The following ZNF407 variants were observed in gnomAD, a reference collection of about 807,000 sequenced individuals.
ZNF407 encodes zinc finger protein 407.
ZNF407 carries 17 observed loss-of-function variants against 131.2 expected under a neutral mutation model. The ratio of observed to expected loss-of-function variants is 0.13; its 90% CI spans 0.09 to 0.19. The LOEUF (loss-of-function observed/expected upper bound fraction) is 0.19. Ranked by LOEUF, ZNF407 falls within the 10% of genes least tolerant of loss-of-function variation. ZNF407 has a pLI of 1.00. For synonymous variants in ZNF407, 1,156 were observed against 1,062.0 expected (o/e 1.09, Z -1.72); for missense variants, 2,681 against 2,830.6 (o/e 0.95, Z 1.20).
At chr18:75,059,535 A>G (rs1412596776) in intron 8 of ZNF407, among the ~76,000 whole-genome samples, 1 of 152,236 alleles carries the variant, frequency 6.6e-6, no homozygotes, top group Non-Finnish European at 1.5e-5. Context: ...GAGAACGGAC[A>G]GAAACAAATC....
chr18:74,767,235 A>G lies in ZNF407; in HGVS notation c.4803-14193A>G, dbSNP rs2144989602. Reference sequence around the variant, plus strand: ...TCCTGACTTCGTTATTATTAAAAAGATTCCTGAGTCTTTCTTATTTTAATA... The same window carrying G: ...TCCTGACTTCGTTATTATTAAAAAGGTTCCTGAGTCTTTCTTATTTTAATA... On this transcript the variant is annotated intron_variant, in intron 3 of 8. Coordinates refer to ENST00000299687, the MANE Select transcript of ZNF407 (RefSeq NM_017757.3). Among the ~76,000 whole-genome samples, 3 of 152,278 alleles carry G rather than the reference A, an allele frequency of 2.0e-5. No homozygotes were observed. In the Middle Eastern group the frequency reaches 0.01, roughly 518 times the overall value.
chr18:74,649,571 T>A (rs1029268694), intron 3 of ZNF407, among the ~76,000 whole-genome samples: 1 of 152,194 alleles, frequency 6.6e-6, no homozygotes, highest in African/African-American at 2.4e-5. Flanking sequence ...AAATTTATTT[T>A]AAAAATAGGG....
In ZNF407 at chr18:74,781,518, T is replaced by G. The variant is rs764039496; in HGVS notation, c.4877+16T>G. On this transcript the variant is annotated intron_variant, in intron 4 of 8. Transcript: ENST00000299687. ...CAAAAGAAAGGTAATTTTCATTCTTTTTTTTTCATTTAAAAATACAATTTG... is the reference window on the plus strand; with the variant it reads ...CAAAAGAAAGGTAATTTTCATTCTTGTTTTTTCATTTAAAAATACAATTTG... 6 of 1,486,004 alleles carry G rather than the reference T, an allele frequency of 4.0e-6. No individual in the cohort carries two copies. The highest frequency in any genetic ancestry group is 3.6e-6 in the Non-Finnish European group (4 of 1,119,178). The allele number at this position is 1,486,004 out of a possible 1,614,324, so 92.1% of individuals were successfully genotyped here.
At chr18:74,754,795 C>T (rs940744465) in intron 3 of ZNF407, among the ~76,000 whole-genome samples, 73 of 152,026 alleles carry the variant, frequency 4.8e-4, no homozygotes, top group African/African-American at 9.2e-4. Flanking sequence ...GGAATAAGTG[C>T]GATGTGATGC....
intron 4 of ZNF407, among the ~76,000 whole-genome samples, chr18:74,809,320 C>T (rs72975416): frequency 0.17 from 25,340 of 152,212 alleles, 2,372 homozygotes; most frequent in Non-Finnish European, 0.22. Flanking sequence ...TCACTCTCAG[C>T]ATCCCATTTG....
At chr18:74,829,372 A>G (rs1341827131) in intron 4 of ZNF407, among the ~76,000 whole-genome samples, 4 of 152,188 alleles carry the variant, frequency 2.6e-5, no homozygotes, top group Non-Finnish European at 5.9e-5. Flanking sequence ...AAAACCGCCC[A>G]TTTTAATTTT....
At chr18:74,797,711 G>A (rs1969946370) in intron 4 of ZNF407, among the ~76,000 whole-genome samples, 1 of 152,148 alleles carries the variant, frequency 6.6e-6, no homozygotes, top group Admixed American at 6.5e-5. Context: ...TATTATTAAA[G>A]GTTCAGGTTT....
At chr18:74,795,653 A>G (rs1307692531) in intron 4 of ZNF407, among the ~76,000 whole-genome samples, 3 of 152,238 alleles carry the variant, frequency 2.0e-5, no homozygotes, top group Admixed American at 6.5e-5. Context: ...GAACTAAACC[A>G]CCAGTTCAGT....
At chr18:74,831,868 C>T (rs1265118579) in intron 4 of ZNF407, among the ~76,000 whole-genome samples, 2 of 152,154 alleles carry the variant, frequency 1.3e-5, no homozygotes, top group African/African-American at 4.8e-5. Flanking sequence ...CTCCTGACGC[C>T]CTTTACCTCC....
intron 3 of ZNF407, among the ~76,000 whole-genome samples, chr18:74,733,138 A>G (rs1336249094): frequency 6.6e-6 from 1 of 152,110 alleles, no homozygotes; most frequent in Non-Finnish European, 1.5e-5. Context: ...TCAAGATATA[A>G]TAAGCAAGAT....
At chr18:74,791,351 T>G (rs1176672472) in intron 4 of ZNF407, among the ~76,000 whole-genome samples, 2 of 152,252 alleles carry the variant, frequency 1.3e-5, no homozygotes, top group African/African-American at 4.8e-5. Flanking sequence ...GATGTCAATA[T>G]AAAGATCTGC....
chr18:74,635,103 A>G lies in ZNF407; in HGVS notation c.4084A>G (p.Arg1362Gly). The change falls in exon 2 of 9, where the codon AGA becomes GGA. Residue 1362 changes from arginine (R) to glycine (G), a missense_variant. Physicochemically the swap from Arg to Gly is moderately radical, Grantham distance 125 (BLOSUM62 -2). This residue lies in a region of ZNF407 where 1,789 missense variants were observed against 1,748.7 expected (regional missense o/e 1.02). Transcript: ENST00000299687. This position sits in a 1 kb window ranked among gnomAD's most constrained non-coding sequence, Gnocchi z 4.7. ...TGGTCGATTTGACTCCTCCATAATAAGAATAAAGAACCCTGAAGATGGTGA... is the reference window on the plus strand; with the variant it reads ...TGGTCGATTTGACTCCTCCATAATAGGAATAAAGAACCCTGAAGATGGTGA... ...SFGRFDSSIIRIKNPEDGELI... is the reference protein window; with the variant it reads ...SFGRFDSSIIGIKNPEDGELI... The G allele has an allele frequency of 6.2e-7, 1 of 1,613,914 alleles. No individual in the cohort carries two copies. Among genetic ancestry groups the G allele is most frequent in the Middle Eastern group, 1.6e-4 (1 of 6,062 alleles).
chr18:74,877,133 G>A (rs1599214881), intron 4 of ZNF407, 64 bp from the exon 5 acceptor site: 2 of 1,497,684 alleles, frequency 1.3e-6, no homozygotes, highest in Non-Finnish European at 1.9e-6. Context: ...CACACGCGCT[G>A]CCTGGGGCCT....
chr18:74,707,629 G>T (rs1206337553), intron 3 of ZNF407, among the ~76,000 whole-genome samples: 2 of 152,158 alleles, frequency 1.3e-5, no homozygotes, highest in African/African-American at 4.8e-5. Context: ...AAGGAATCAG[G>T]TGTTCATTAC....
chr18:74,661,554 G>A (rs1407067946), intron 3 of ZNF407, among the ~76,000 whole-genome samples: 1 of 151,692 alleles, frequency 6.6e-6, no homozygotes, highest in East Asian at 1.9e-4. Context: ...AATGATATCT[G>A]TTTAAATTTA....
chr18:74,777,314 G>A (rs907929913), intron 3 of ZNF407, among the ~76,000 whole-genome samples: 1 of 151,830 alleles, frequency 6.6e-6, no homozygotes, highest in African/African-American at 2.4e-5. Context: ...AGGCATTTAC[G>A]GATACTTGTA....
intron 4 of ZNF407, among the ~76,000 whole-genome samples, chr18:74,785,685 T>C (rs1969689792): frequency 6.6e-6 from 1 of 152,224 alleles, no homozygotes; most frequent in African/African-American, 2.4e-5. Context: ...TCACCTTTTT[T>C]TTATGAAACA....
intron 4 of ZNF407, among the ~76,000 whole-genome samples, chr18:74,786,321 T>C (rs577572644): frequency 6.4e-4 from 97 of 152,340 alleles, no homozygotes; most frequent in African/African-American, 2.1e-3. Flanking sequence ...TTCTCTCTGA[T>C]ATATTCTTCA....
intron 3 of ZNF407, among the ~76,000 whole-genome samples, chr18:74,751,290 G>A (rs754493677): frequency 6.6e-6 from 1 of 152,064 alleles, no homozygotes; most frequent in Non-Finnish European, 1.5e-5. Flanking sequence ...TATATCATTA[G>A]GAAGGAGTTC....
Sources: gnomAD v4.1 joint callset for allele counts (sites outside exome capture counted in the v4.1 genomes callset) on GRCh38, gnomAD v4.1.1 for gene constraint, gnomAD v4.1.1 regional missense constraint, Gnocchi (gnomAD v3.1) non-coding constraint, MANE v1.5 for transcripts, NCBI Gene and HGNC (gene_info 2026-07-23, HGNC 2026-07-21) for gene names.